The following DGKB variants were observed in gnomAD, a reference collection of about 807,000 sequenced individuals.
The protein encoded by DGKB is 90 kDa diacylglycerol kinase.
DGKB carries 67 observed loss-of-function variants against 114.3 expected under a neutral mutation model. That is an observed-to-expected ratio of 0.59 (90% CI 0.48 to 0.72). The LOEUF is 0.72. Ranked by LOEUF, DGKB falls within the 30% of genes least tolerant of loss-of-function variation. The pLI, the probability that DGKB is intolerant of heterozygous loss-of-function variation, is 0.00. For synonymous variants in DGKB, 398 were observed against 323.1 expected (o/e 1.23, Z -2.49); for missense variants, 907 against 975.2 (o/e 0.93, Z 0.93).
At chr7:14,408,784 G>A (rs146903045) in intron 21 of DGKB, among the ~76,000 whole-genome samples, 131 of 152,030 alleles carry the variant, frequency 8.6e-4, no homozygotes, top group African/African-American at 2.8e-3. Context: ...CTACTTGTAC[G>A]TGGATTTTTT....
chr7:14,895,901 C>G (rs1160895415), intron 1 of DGKB, among the ~76,000 whole-genome samples: 1 of 151,692 alleles, frequency 6.6e-6, no homozygotes, highest in Non-Finnish European at 1.5e-5. Context: ...ATTCATTGGT[C>G]AAGAGCCAAA....
intron 23 of DGKB, 147 bp downstream of exon 23, chr7:14,338,368 A>T: frequency 2.2e-6 from 1 of 457,572 alleles, no homozygotes; most frequent in Non-Finnish European, 3.7e-6. Context: ...GATATAAGTT[A>T]ATCACACATG....
chr7:14,798,309 T>C (rs1841692384), intron 2 of DGKB, among the ~76,000 whole-genome samples: 1 of 152,168 alleles, frequency 6.6e-6, no homozygotes, highest in Non-Finnish European at 1.5e-5. Flanking sequence ...TTCCTATCGC[T>C]ATCAATAAGA....
At chr7:14,333,083 C>A (rs561200570) in intron 23 of DGKB, among the ~76,000 whole-genome samples, 1 of 152,162 alleles carries the variant, frequency 6.6e-6, no homozygotes, top group East Asian at 1.9e-4. Context: ...ATTTTATAAA[C>A]CAGTAAGTAA....
chr7:14,206,776 C>T (rs1786895173), intron 23 of DGKB, among the ~76,000 whole-genome samples: 1 of 151,964 alleles, frequency 6.6e-6, no homozygotes, highest in Non-Finnish European at 1.5e-5. Context: ...TAAAATTCAG[C>T]AAATTCTAAT....
At chr7:14,388,808 G>C (rs139808515) in intron 21 of DGKB, among the ~76,000 whole-genome samples, 1 of 152,306 alleles carries the variant, frequency 6.6e-6, no homozygotes, top group East Asian at 1.9e-4. Flanking sequence ...AGTGGATGTG[G>C]TGGTGACAAC....
At chr7:14,951,956 C>A (rs912173848) in intron 1 of DGKB, among the ~76,000 whole-genome samples, 9 of 152,024 alleles carry the variant, frequency 5.9e-5, no homozygotes, top group Admixed American at 2.0e-4. Flanking sequence ...GAGTGTCCCC[C>A]TACCCCATTG....
intron 1 of DGKB, among the ~76,000 whole-genome samples, chr7:14,916,989 A>G (rs928856554): frequency 1.3e-5 from 2 of 152,114 alleles, no homozygotes; most frequent in African/African-American, 4.8e-5. Context: ...AGATAGCTAG[A>G]AAATAATAAA....
intron 13 of DGKB, among the ~76,000 whole-genome samples, chr7:14,639,318 T>C (rs1190666525): frequency 1.3e-5 from 2 of 152,188 alleles, no homozygotes; most frequent in African/African-American, 2.4e-5. Flanking sequence ...CTAGTGGAAA[T>C]GCACTGGATG....
At chr7:14,816,781 A>G (rs1357903983) in intron 2 of DGKB, among the ~76,000 whole-genome samples, 1 of 152,214 alleles carries the variant, frequency 6.6e-6, no homozygotes, top group Admixed American at 6.5e-5. Flanking sequence ...AACACTTTGT[A>G]ATAGCAAAAA....
intron 1 of DGKB, among the ~76,000 whole-genome samples, chr7:14,957,251 G>T (rs535028191): frequency 4.3e-4 from 65 of 152,058 alleles, no homozygotes; most frequent in Non-Finnish European, 9.4e-4. Context: ...TGTTTAAAAA[G>T]ACTACATTAC....
intron 21 of DGKB, among the ~76,000 whole-genome samples, chr7:14,436,979 C>A (rs1275501850): frequency 2.0e-5 from 3 of 152,040 alleles, no homozygotes; most frequent in Non-Finnish European, 4.4e-5. Flanking sequence ...ATTAATTTCA[C>A]CTTTCTTAAT....
intron 2 of DGKB, among the ~76,000 whole-genome samples, chr7:14,789,724 T>C (rs1000239004): frequency 6.6e-6 from 1 of 151,638 alleles, no homozygotes. Flanking sequence ...CTGGCTAATT[T>C]AAAAAAAAAT....
At chr7:14,309,470 T>C (rs1239428500) in intron 23 of DGKB, among the ~76,000 whole-genome samples, 1 of 152,180 alleles carries the variant, frequency 6.6e-6, no homozygotes, top group East Asian at 1.9e-4. Context: ...CAGAATCTAA[T>C]CATAAAAGCA....
At chr7:14,892,630 C>T (rs1366606573) in intron 1 of DGKB, among the ~76,000 whole-genome samples, 1 of 151,022 alleles carries the variant, frequency 6.6e-6, no homozygotes, top group African/African-American at 2.4e-5. Context: ...CACAATACAA[C>T]CTAGATCATA....
intron 21 of DGKB, among the ~76,000 whole-genome samples, chr7:14,425,695 G>A (rs974791665): frequency 3.9e-5 from 6 of 152,124 alleles, no homozygotes; most frequent in Non-Finnish European, 8.8e-5. Context: ...CAGCATTTAT[G>A]TAACAGCAGG....
At chr7:14,490,192 G>T (rs775017290) in intron 20 of DGKB, among the ~76,000 whole-genome samples, 6 of 151,968 alleles carry the variant, frequency 3.9e-5, no homozygotes, top group Non-Finnish European at 8.8e-5. Context: ...ATCAAGTTAA[G>T]GTAGCCAAAA....
chr7:14,563,592 A>G (rs542349500), intron 20 of DGKB, among the ~76,000 whole-genome samples: 2 of 140,630 alleles, frequency 1.4e-5, no homozygotes, highest in Admixed American at 1.4e-4. Context: ...CTCAATGAGT[A>G]TCTTTATAAG....
At chr7:14,564,963 T>G (rs556690323) in intron 20 of DGKB, among the ~76,000 whole-genome samples, 17 of 152,246 alleles carry the variant, frequency 1.1e-4, no homozygotes, top group African/African-American at 4.1e-4. Context: ...GATTTAAGTA[T>G]ATGTTTAGGT....
Sources: gnomAD v4.1 joint callset for allele counts (sites outside exome capture counted in the v4.1 genomes callset) on GRCh38, gnomAD v4.1.1 for gene constraint, MANE v1.5 for transcripts, NCBI Gene and HGNC (gene_info 2026-07-23, HGNC 2026-07-21) for gene names.